GPC5: variants seen among roughly 807,000 people sequenced by gnomAD.
GPC5 encodes the protein glypican 5, also known as glypican-5.
GPC5 carries 47 observed loss-of-function variants against 53.9 expected under a neutral mutation model. The ratio of observed to expected loss-of-function variants is 0.87; its 90% CI spans 0.69 to 1.11. The LOEUF (loss-of-function observed/expected upper bound fraction) is 1.11. Ranked by LOEUF, GPC5 falls within the 50% of genes most tolerant of loss-of-function variation. The pLI is 0.00. For synonymous variants in GPC5, 286 were observed against 263.3 expected (o/e 1.09, Z -0.84); for missense variants, 748 against 713.1 (o/e 1.05, Z -0.56).
chr13:92,759,973 G>A (rs548858094), intron 7 of GPC5, among the ~76,000 whole-genome samples: 3 of 152,114 alleles, frequency 2.0e-5, no homozygotes, highest in Admixed American at 6.6e-5. Context: ...TGATATGATC[G>A]TGTGGTTTTG....
intron 1 of GPC5, among the ~76,000 whole-genome samples, chr13:91,416,318 T>A (rs1878220288): frequency 6.6e-6 from 1 of 152,144 alleles, no homozygotes. Context: ...TACTAGCTGT[T>A]TAATAGTGTT....
chr13:92,737,657 G>C, intron 7 of GPC5, among the ~76,000 whole-genome samples: 1 of 150,464 alleles, frequency 6.6e-6, no homozygotes, highest in Non-Finnish European at 1.5e-5. Context: ...CAGAGTATCA[G>C]TAATACTCAA....
chr13:92,350,664 C>T (rs1489194207), intron 7 of GPC5, among the ~76,000 whole-genome samples: 4 of 152,024 alleles, frequency 2.6e-5, no homozygotes, highest in African/African-American at 9.7e-5. Context: ...TTGAAAATTG[C>T]TAAGAGTCAA....
intron 2 of GPC5, among the ~76,000 whole-genome samples, chr13:91,604,598 A>G (rs2033296000): frequency 1.4e-5 from 2 of 141,036 alleles, no homozygotes; most frequent in African/African-American, 5.4e-5. Flanking sequence ...ATTTCTCCAC[A>G]TCCTCTCCAG....
chr13:91,963,018 G>A (rs1000367111), intron 6 of GPC5, among the ~76,000 whole-genome samples: 10 of 152,154 alleles, frequency 6.6e-5, no homozygotes, highest in African/African-American at 2.2e-4. Context: ...TAGTGACTAA[G>A]TGTGGGCTCT....
In GPC5 at chr13:92,301,675, C is replaced by G. The variant is rs187079631; in HGVS notation, c.1561+156686C>G. Among the ~76,000 whole-genome samples, 123 of 151,900 alleles carry G rather than the reference C, an allele frequency of 8.1e-4. 1 individual carries two copies. The South Asian group carries it at 8.3e-3, about 10-fold the overall frequency. On this transcript the variant is annotated intron_variant, in intron 7 of 7. Coordinates refer to ENST00000377067, the MANE Select transcript of GPC5 (RefSeq NM_004466.6). ...ACCAAGGCTTATGGATCACATAAGGCCAGTTGTTCAAGACCACCTGGACAA... is the reference window on the plus strand; with the variant it reads ...ACCAAGGCTTATGGATCACATAAGGGCAGTTGTTCAAGACCACCTGGACAA...
intron 7 of GPC5, among the ~76,000 whole-genome samples, chr13:92,308,597 C>T (rs2043126379): frequency 6.6e-6 from 1 of 152,122 alleles, no homozygotes. Flanking sequence ...CAGAGCATTT[C>T]TACAAATGGA....
At chr13:92,076,858 C>G (rs1594754339) in intron 6 of GPC5, among the ~76,000 whole-genome samples, 2 of 152,244 alleles carry the variant, frequency 1.3e-5, no homozygotes, top group Middle Eastern at 3.4e-3. Flanking sequence ...CCCTCCCAAT[C>G]CTGAAGAAAT....
At chr13:92,182,864 G>T (rs1450270754) in intron 7 of GPC5, among the ~76,000 whole-genome samples, 2 of 140,814 alleles carry the variant, frequency 1.4e-5, no homozygotes, top group South Asian at 4.4e-4. Context: ...GCGAGACTCC[G>T]TCTCAAAAAA....
intron 5 of GPC5, among the ~76,000 whole-genome samples, chr13:91,775,938 A>G (rs150515641): frequency 1.3e-5 from 2 of 152,346 alleles, no homozygotes; most frequent in East Asian, 3.9e-4. Flanking sequence ...CATGAGCATC[A>G]TGGGTACAAA....
chr13:91,743,931 A>T (rs920881173), intron 4 of GPC5, among the ~76,000 whole-genome samples: 1 of 152,118 alleles, frequency 6.6e-6, no homozygotes, highest in Non-Finnish European at 1.5e-5. Context: ...TCCTTCTCAG[A>T]AATGTGATTC....
At position 91,571,806 on chromosome 13, in the gene GPC5, C is replaced by CAAACATATACGTGTGTGTATATAT. The variant is rs1389607183; in HGVS notation, c.326-121380_326-121379insAACATATACGTGTGTGTATATATA. ...ACATATACGTGTGTGTATATATACA[C>CAAACATATACGTGTGTGTATATAT]ACACATACGTGTGTGTATATATACA... is the stretch of plus-strand genomic sequence containing the variant. On this transcript the variant is annotated intron_variant, in intron 2 of 7. Coordinates refer to ENST00000377067, the MANE Select transcript of GPC5 (RefSeq NM_004466.6). Among the ~76,000 whole-genome samples, 3 of 118,802 alleles carry CAAACATATACGTGTGTGTATATAT rather than the reference C, an allele frequency of 2.5e-5. 1 individual carries two copies. Among genetic ancestry groups the CAAACATATACGTGTGTGTATATAT allele is most frequent in the African/African-American group, 1.1e-4 (3 of 28,520 alleles). The allele number at this position is 118,802 out of a possible 152,430, so 77.9% of individuals were successfully genotyped here.
chr13:91,899,264 G>T (rs572446432), intron 5 of GPC5, among the ~76,000 whole-genome samples: 14 of 151,972 alleles, frequency 9.2e-5, no homozygotes, highest in South Asian at 6.2e-4. Context: ...TTTGCTAGGA[G>T]GTAGAAGTTA....
At position 92,439,985 on chromosome 13, in the gene GPC5, A is replaced by G. The variant is rs548230556; in HGVS notation, c.1561+294996A>G. ...AGATTGATTCCTTGAAGGTATTGGC[A>G]TACAAGCCTCCAGGAATTAATTGGA... On this transcript the variant is annotated intron_variant, in intron 7 of 7. Transcript: ENST00000377067. 2.4e-3 allele frequency among the ~76,000 whole-genome samples: 363 copies of G among 152,308 alleles called. 1 individual carries two copies. Among genetic ancestry groups the G allele is most frequent in the Non-Finnish European group, 4.0e-3 (275 of 68,016 alleles).
chr13:91,715,422 A>G (rs1353842336), intron 3 of GPC5, among the ~76,000 whole-genome samples: 1 of 152,258 alleles, frequency 6.6e-6, no homozygotes, highest in Non-Finnish European at 1.5e-5. Context: ...CTTGAAATAC[A>G]TGACATTTAA....
intron 7 of GPC5, among the ~76,000 whole-genome samples, chr13:92,232,997 A>G (rs561711489): frequency 6.6e-6 from 1 of 152,298 alleles, no homozygotes; most frequent in African/African-American, 2.4e-5. Flanking sequence ...GAGCATTTCT[A>G]TCATATGTGA....
intron 6 of GPC5, among the ~76,000 whole-genome samples, chr13:92,004,414 C>T (rs1158651884): frequency 7.5e-6 from 1 of 133,012 alleles, no homozygotes; most frequent in Non-Finnish European, 1.5e-5. Context: ...CACTGCACTC[C>T]ATCCTGGAGA....
intron 6 of GPC5, among the ~76,000 whole-genome samples, chr13:91,933,103 G>T (rs181182035): frequency 3.8e-4 from 57 of 151,936 alleles, no homozygotes; most frequent in African/African-American, 1.3e-3. Flanking sequence ...AACTGCTATA[G>T]GTCAAACTTT....
intron 5 of GPC5, among the ~76,000 whole-genome samples, chr13:91,839,822 C>T (rs377199152): frequency 3.9e-5 from 6 of 151,928 alleles, no homozygotes; most frequent in African/African-American, 1.5e-4. Context: ...CAAATTGTAT[C>T]ATTCAGTATC....
Sources: gnomAD v4.1 joint callset for allele counts (sites outside exome capture counted in the v4.1 genomes callset) on GRCh38, gnomAD v4.1.1 for gene constraint, MANE v1.5 for transcripts, NCBI Gene and HGNC (gene_info 2026-07-23, HGNC 2026-07-21) for gene names.